ERBB4: variants seen among roughly 807,000 people sequenced by gnomAD.
The protein encoded by ERBB4 is erb-b2 receptor tyrosine kinase 4.
Under a neutral mutation model 158.0 loss-of-function variants are expected in ERBB4, and 42 were observed. The ratio of observed to expected loss-of-function variants is 0.27; its 90% CI spans 0.21 to 0.34. The LOEUF is 0.34. ERBB4 is among the 10% of genes least tolerant of loss of function. The pLI is 1.00. For synonymous variants in ERBB4, 583 were observed against 558.7 expected (o/e 1.04, Z -0.61); for missense variants, 1,333 against 1,624.1 (o/e 0.82, Z 3.08).
At chr2:212,085,956 A>C (rs1173079598) in intron 2 of ERBB4, among the ~76,000 whole-genome samples, 2 of 151,956 alleles carry the variant, frequency 1.3e-5, no homozygotes, top group Admixed American at 6.6e-5. Context: ...AGAGGATATA[A>C]AGGCATTCTT....
chr2:212,346,371 C>T (rs1396140110), intron 1 of ERBB4, among the ~76,000 whole-genome samples: 3 of 151,824 alleles, frequency 2.0e-5, no homozygotes, highest in Non-Finnish European at 4.4e-5. Context: ...TCTCTTAAAG[C>T]CAAATACATA....
At chr2:212,444,685 G>A (rs1322768169) in intron 1 of ERBB4, among the ~76,000 whole-genome samples, 1 of 152,116 alleles carries the variant, frequency 6.6e-6, no homozygotes, top group Non-Finnish European at 1.5e-5. Flanking sequence ...ACGGTGGCAG[G>A]GATGGAGGTT....
At chr2:211,821,782 G>T (rs1178715500) in intron 3 of ERBB4, among the ~76,000 whole-genome samples, 1 of 151,870 alleles carries the variant, frequency 6.6e-6, no homozygotes, top group Non-Finnish European at 1.5e-5. Flanking sequence ...AACAAATGGC[G>T]CTAGGAAAAC....
intron 19 of ERBB4, among the ~76,000 whole-genome samples, chr2:211,593,897 T>C (rs2068549263): frequency 6.6e-6 from 1 of 152,098 alleles, no homozygotes; most frequent in Non-Finnish European, 1.5e-5. Flanking sequence ...TAATGACTGA[T>C]TGATGCCAAC....
intron 5 of ERBB4, among the ~76,000 whole-genome samples, chr2:211,738,366 T>G (rs4673630): frequency 3.5e-3 from 58 of 16,782 alleles, no homozygotes; most frequent in African/African-American, 0.013. Flanking sequence ...TTTTTGTTTT[T>G]TTTTTTTTTT....
rs1464492145 is a variant in ERBB4 at position 211,632,989 on chromosome 2, T to A, written c.1947-2395A>T. ...ATTATAAGAGGCCAAATTCTGCCTATTCCCACAGAATTTACGTTTGAAACA... is the reference window on the plus strand; with the variant it reads ...ATTATAAGAGGCCAAATTCTGCCTAATCCCACAGAATTTACGTTTGAAACA... On this transcript the variant is annotated intron_variant, in intron 16 of 27. Transcript: ENST00000342788. 2.0e-5 allele frequency among the ~76,000 whole-genome samples: 3 copies of A among 152,130 alleles called. No homozygotes were observed. In the South Asian group the frequency reaches 6.2e-4, roughly 31 times the overall value.
intron 16 of ERBB4, among the ~76,000 whole-genome samples, chr2:211,647,229 C>T (rs1268246562): frequency 6.6e-6 from 1 of 151,174 alleles, no homozygotes; most frequent in African/African-American, 2.4e-5. Flanking sequence ...ATAATCTCTT[C>T]TCTCTCCTGT....
At chr2:212,339,609 T>C (rs1305187365) in intron 1 of ERBB4, among the ~76,000 whole-genome samples, 2 of 152,176 alleles carry the variant, frequency 1.3e-5, no homozygotes, top group Admixed American at 6.5e-5. Context: ...GTCAGAGAAT[T>C]TTCCCTCTGT....
intron 15 of ERBB4, among the ~76,000 whole-genome samples, chr2:211,662,412 T>C (rs558504631): frequency 2.6e-5 from 4 of 152,298 alleles, no homozygotes; most frequent in Admixed American, 2.6e-4. Flanking sequence ...CATTTCAAAA[T>C]ACTGTGGAGA....
intron 20 of ERBB4, among the ~76,000 whole-genome samples, chr2:211,438,324 C>T (rs544158048): frequency 6.6e-6 from 1 of 152,118 alleles, no homozygotes; most frequent in Non-Finnish European, 1.5e-5. Flanking sequence ...AGTAGATGTC[C>T]CCCTTCAAAT....
intron 26 of ERBB4, 26 bp from the exon 27 acceptor site, chr2:211,387,176 A>G (rs1372607727): frequency 6.5e-7 from 1 of 1,546,740 alleles, no homozygotes; most frequent in Non-Finnish European, 8.9e-7. Context: ...ACATATGTGG[A>G]GAGAAGGCGT....
intron 3 of ERBB4, among the ~76,000 whole-genome samples, chr2:211,803,497 AGAGT>A (rs1311627220): frequency 1.3e-5 from 2 of 152,170 alleles, no homozygotes; most frequent in Non-Finnish European, 2.9e-5. Flanking sequence ...TATAAGGAAT[AGAGT>A]GAGTAGAACT....
Position 212,198,729 on chromosome 2 carries a change from C to T in ERBB4, c.83-73826G>A, listed in dbSNP as rs114630779. ...TAGGGATTACAGGTGTGTATCACCA[C>T]GCCCTTTTTTTTTTTTTTTTTTTTT... is the stretch of plus-strand genomic sequence containing the variant. On this transcript the variant is annotated intron_variant, in intron 1 of 27. Transcript: ENST00000342788. 5.3e-3 allele frequency among the ~76,000 whole-genome samples: 728 copies of T among 137,376 alleles called. 2 individuals carry two copies. Among genetic ancestry groups the T allele is most frequent in the Non-Finnish European group, 7.3e-3 (479 of 65,472 alleles). The allele number at this position is 137,376 out of a possible 152,430, so 90.1% of individuals were successfully genotyped here. A position where few individuals can be genotyped will look rare whatever the true frequency, so the allele number is the denominator to read the frequency against.
intron 2 of ERBB4, among the ~76,000 whole-genome samples, chr2:211,973,326 C>T (rs915577793): frequency 1.1e-4 from 16 of 151,972 alleles, no homozygotes; most frequent in Admixed American, 2.0e-4. Flanking sequence ...CTCAGCCTCC[C>T]GAGTAGCTGG....
At chr2:212,087,769 C>T (rs2078660060) in intron 2 of ERBB4, among the ~76,000 whole-genome samples, 1 of 152,096 alleles carries the variant, frequency 6.6e-6, no homozygotes, top group African/African-American at 2.4e-5. Context: ...TAACATTCTA[C>T]ATTTTTAAGG....
intron 3 of ERBB4, among the ~76,000 whole-genome samples, chr2:211,903,723 G>C (rs371883646): frequency 9.9e-5 from 15 of 151,064 alleles, no homozygotes; most frequent in South Asian, 4.2e-4. Flanking sequence ...ACAATATACT[G>C]ATAAAAAAAG....
intron 20 of ERBB4, among the ~76,000 whole-genome samples, chr2:211,436,928 G>A (rs779011478): frequency 1.3e-5 from 2 of 152,140 alleles, no homozygotes; most frequent in Non-Finnish European, 2.9e-5. Flanking sequence ...TAAAGGTCAC[G>A]AATAAAATAG....
chr2:212,327,559 T>C (rs2087907867), intron 1 of ERBB4, among the ~76,000 whole-genome samples: 1 of 151,918 alleles, frequency 6.6e-6, no homozygotes, highest in South Asian at 2.1e-4. Flanking sequence ...GAATTCCCTA[T>C]GATTCTAAAA....
At chr2:212,053,109 AGAGTTCAAGGCTGCAGTGAGCCAT>A (rs1348542458) in intron 2 of ERBB4, among the ~76,000 whole-genome samples, 1 of 152,130 alleles carries the variant, frequency 6.6e-6, no homozygotes, top group African/African-American at 2.4e-5. Flanking sequence ...CTTGAGCCCA[AGAGTTCAAGGCTGCAGTGAGCCAT>A]GATTATGTCA....
Sources: gnomAD v4.1 joint callset for allele counts (sites outside exome capture counted in the v4.1 genomes callset) on GRCh38, gnomAD v4.1.1 for gene constraint, MANE v1.5 for transcripts, NCBI Gene and HGNC (gene_info 2026-07-23, HGNC 2026-07-21) for gene names.